Variants in NRG3 observed in about 807,000 individuals in gnomAD.
NRG3 encodes pro-neuregulin-3, membrane-bound isoform.
NRG3 carries 31 observed loss-of-function variants against 66.9 expected under a neutral mutation model. That is an observed-to-expected ratio of 0.46 (90% CI 0.35 to 0.63). The LOEUF is 0.63. Among genes scored for constraint, NRG3 ranks in the 20% least tolerant of loss-of-function variants. The pLI, the probability that NRG3 is intolerant of heterozygous loss-of-function variation, is 0.00. For missense variants in NRG3, 910 were observed against 878.9 expected, an observed-to-expected ratio of 1.04 and a Z score of -0.45; for synonymous variants, 393 against 359.4, an observed-to-expected ratio of 1.09 and a Z score of -1.06.
chr10:82,894,803 T>A (rs1245449051), intron 4 of NRG3, among the ~76,000 whole-genome samples: 6 of 152,152 alleles, frequency 3.9e-5, no homozygotes, highest in Non-Finnish European at 8.8e-5. Context: ...TAGGTACACA[T>A]GTGCCATGGT....
chr10:82,428,747 T>C (rs889611810), intron 2 of NRG3, among the ~76,000 whole-genome samples: 38 of 151,936 alleles, frequency 2.5e-4, no homozygotes, highest in African/African-American at 8.7e-4. Flanking sequence ...TTTGTTCAAG[T>C]CCTCTATTTC....
At chr10:82,126,896 C>T (rs1267732423) in intron 1 of NRG3, among the ~76,000 whole-genome samples, 1 of 152,010 alleles carries the variant, frequency 6.6e-6, no homozygotes, top group African/African-American at 2.4e-5. Flanking sequence ...ACACAGTTGG[C>T]AGTACAGAAG....
chr10:82,928,511 T>C (rs996303538), intron 4 of NRG3, among the ~76,000 whole-genome samples: 5 of 152,142 alleles, frequency 3.3e-5, no homozygotes, highest in Non-Finnish European at 7.3e-5. Flanking sequence ...GAGTTAATTT[T>C]TGTATAAGGT....
intron 7 of NRG3, among the ~76,000 whole-genome samples, chr10:82,977,906 A>G (rs1464231850): frequency 6.6e-6 from 1 of 152,204 alleles, no homozygotes; most frequent in African/African-American, 2.4e-5. Context: ...AATGTCTTTG[A>G]GAGACTGGTT....
chr10:82,977,878 A>G (rs761226886), intron 7 of NRG3, among the ~76,000 whole-genome samples: 3 of 152,230 alleles, frequency 2.0e-5, no homozygotes, highest in Non-Finnish European at 4.4e-5. Flanking sequence ...ACCCCAAATA[A>G]TATAGTAATA....
At chr10:81,970,973 CTACTAA>C (rs1455858319) in intron 1 of NRG3, among the ~76,000 whole-genome samples, 5 of 152,162 alleles carry the variant, frequency 3.3e-5, no homozygotes, top group Non-Finnish European at 7.3e-5. Context: ...AACCCTGTCT[CTACTAA>C]AGATACAAAA....
intron 1 of NRG3, among the ~76,000 whole-genome samples, chr10:82,193,369 C>T (rs1008550526): frequency 6.6e-6 from 1 of 152,170 alleles, no homozygotes; most frequent in African/African-American, 2.4e-5. Flanking sequence ...TCTTGAACTC[C>T]TGACCTCAAG....
chr10:82,170,795 C>T lies in NRG3; in HGVS notation c.824-187944C>T, dbSNP rs147174012. Among the ~76,000 whole-genome samples the T allele has an allele frequency of 6.4e-3, 960 of 149,208 alleles. 5 individuals carry two copies. Among genetic ancestry groups the T allele is most frequent in the Non-Finnish European group, 0.011 (761 of 67,386 alleles). On this transcript the variant is annotated intron_variant, in intron 1 of 8. Transcript: ENST00000372141. ...TCAAAATTGCCATTCGATTGCCAGC[C>T]TTCAGTTTTGATAGTATTGTGAGTT...
intron 4 of NRG3, among the ~76,000 whole-genome samples, chr10:82,869,515 A>T (rs1841082585): frequency 6.6e-6 from 1 of 151,852 alleles, no homozygotes; most frequent in Non-Finnish European, 1.5e-5. Flanking sequence ...CCTAAAAATC[A>T]TTTGTGTTCT....
At chr10:81,963,070 G>A (rs745680193) in intron 1 of NRG3, among the ~76,000 whole-genome samples, 1 of 151,218 alleles carries the variant, frequency 6.6e-6, no homozygotes, top group Non-Finnish European at 1.5e-5. Context: ...AAACAAATGT[G>A]TGGGATGGGA....
chr10:82,514,254 T>C (rs1355860624), intron 2 of NRG3, among the ~76,000 whole-genome samples: 2 of 152,196 alleles, frequency 1.3e-5, no homozygotes, highest in Non-Finnish European at 2.9e-5. Flanking sequence ...TGTCATGAAG[T>C]CTTTGCCCAT....
chr10:82,161,773 G>A (rs1405973103), intron 1 of NRG3, among the ~76,000 whole-genome samples: 3 of 152,052 alleles, frequency 2.0e-5, no homozygotes, highest in African/African-American at 7.2e-5. Flanking sequence ...AGGAAAGAAA[G>A]ATATCAACTG....
chr10:82,456,814 C>A (rs1014137939), intron 2 of NRG3, among the ~76,000 whole-genome samples: 2 of 152,134 alleles, frequency 1.3e-5, no homozygotes, highest in African/African-American at 4.8e-5. Context: ...GAGTACCGGG[C>A]CTGACACTCG....
intron 1 of NRG3, among the ~76,000 whole-genome samples, chr10:82,040,177 A>C (rs4503475): frequency 0.64 from 96,685 of 151,950 alleles, 32,352 homozygotes; most frequent in South Asian, 0.87. Context: ...AGGAAACTTA[A>C]GCTTGGAAAT....
chr10:82,691,797 G>C (rs942286163), intron 2 of NRG3, among the ~76,000 whole-genome samples: 11 of 152,098 alleles, frequency 7.2e-5, no homozygotes, highest in African/African-American at 2.7e-4. Flanking sequence ...AATTGATGAG[G>C]CGCCAAAGTC....
intron 2 of NRG3, among the ~76,000 whole-genome samples, chr10:82,699,126 A>G (rs2055629881): frequency 6.6e-6 from 1 of 152,144 alleles, no homozygotes; most frequent in Non-Finnish European, 1.5e-5. Context: ...TCATCCCAAG[A>G]TCCTGAAATG....
Position 82,097,369 on chromosome 10 carries a change from TAC to T in NRG3, c.823+221233_823+221234del, listed in dbSNP as rs60288660. Among the ~76,000 whole-genome samples, 698 of 141,008 alleles carry T rather than the reference TAC, an allele frequency of 5.0e-3. 3 individuals carry two copies. Among genetic ancestry groups the T allele is most frequent in the Middle Eastern group, 0.03 (8 of 268 alleles). 92.5% of individuals were successfully genotyped at this position (141,008 alleles called of 152,430 possible). A position where few individuals can be genotyped will look rare whatever the true frequency, so the allele number is the denominator to read the frequency against. ...ATGTTATTTTCAGTTTCCAGATGGT[TAC>T]ACACACACACACACACACACACACA... On this transcript the variant is annotated intron_variant, in intron 1 of 8. Transcript: ENST00000372141.
intron 2 of NRG3, among the ~76,000 whole-genome samples, chr10:82,585,836 A>ATAT (rs748548317): frequency 6.6e-6 from 1 of 152,294 alleles, no homozygotes; most frequent in East Asian, 1.9e-4. Context: ...TATCAATTGA[A>ATAT]TATTATAGTG....
At chr10:82,735,056 G>A (rs1054678185) in intron 2 of NRG3, among the ~76,000 whole-genome samples, 2 of 150,972 alleles carry the variant, frequency 1.3e-5, no homozygotes, top group African/African-American at 4.9e-5. Context: ...GAAGGAGGGA[G>A]GAAGGAAGAA....
Sources: allele counts gnomAD v4.1 joint callset (sites outside exome capture counted in the v4.1 genomes callset), GRCh38; gene constraint gnomAD v4.1.1; transcripts MANE v1.5; gene names NCBI Gene and HGNC (gene_info 2026-07-23, HGNC 2026-07-21).